Variants in LILRA5 observed in about 807,000 individuals in gnomAD.
LILRA5 encodes the protein leukocyte immunoglobulin like receptor A5.
A neutral mutation model predicts 36.3 loss-of-function variants in LILRA5; 31 were observed. The ratio of observed to expected loss-of-function variants is 0.85; its 90% confidence interval spans 0.64 to 1.15. LILRA5 has a LOEUF of 1.15. LILRA5 is among the 50% of genes most tolerant of loss of function. The probability of loss-of-function intolerance (pLI) is 0.00; values close to 1 mark genes in which losing one functional copy is unlikely to be tolerated. For synonymous variants in LILRA5, 144 were observed against 144.8 expected, an observed-to-expected ratio of 0.99 and a Z score of 0.04; for missense variants, 348 against 377.4, an observed-to-expected ratio of 0.92 and a Z score of 0.64.
In LILRA5 at chr19:54,312,131, T is replaced by G; in HGVS notation, c.142A>C (p.Thr48Pro). ...HVQAGNLSKA[T>P]LWAEPGSVIS... ...ACAGAGCCTGGCTCAGCCCAGAGGG[T>G]GGCTTTGGAGAGGTTCCCTGGAAGG... The change falls in exon 4 of 7, where the codon ACC becomes CCC. Residue 48 changes from threonine (T) to proline (P), a missense_variant. Coordinates refer to ENST00000432233, the MANE Select transcript of LILRA5 (RefSeq NM_021250.4). The G allele has an allele frequency of 6.2e-7, 1 of 1,613,794 alleles. No individual in the cohort carries two copies. The highest frequency in any genetic ancestry group is 8.5e-7 in the Non-Finnish European group (1 of 1,179,910).
intron 5 of LILRA5, chr19:54,308,542 C>T (rs2080945742): frequency 6.6e-6 from 1 of 151,026 alleles, no homozygotes; most frequent in Non-Finnish European, 1.5e-5. Context: ...GCCTGGCCAA[C>T]ATGGTGAAAC....
intron 5 of LILRA5, chr19:54,310,184 T>C (rs752072717): frequency 4.8e-5 from 8 of 167,102 alleles, no homozygotes; most frequent in Non-Finnish European, 9.2e-5. Flanking sequence ...AGCGTCCGTC[T>C]GTCCTCTCTC....
At position 54,311,871 on chromosome 19, in the gene LILRA5, C is replaced by G. The variant is rs1213529684; in HGVS notation, c.402G>C (p.Val134=). 6.2e-7 allele frequency: 1 copy of G among 1,614,062 alleles called. No individual in the cohort carries two copies. The highest frequency in any genetic ancestry group is 1.3e-5 in the African/African-American group (1 of 74,932). ...CCCAGAGTGTCCTCTCACCTGTCAC[C>G]ACCAGCTCCAGGGGGTCGCTGGGCT... ...WSEPSDPLEL[V]VTGFYNKPTL... The change falls in exon 4 of 7, where the codon GTG becomes GTC. Residue 134 remains valine, a synonymous_variant. Coordinates refer to ENST00000432233, the MANE Select transcript of LILRA5 (RefSeq NM_021250.4).
intron 6 of LILRA5, 32 bp from the exon 7 acceptor site, chr19:54,307,581 T>A: frequency 6.2e-7 from 1 of 1,613,614 alleles, no homozygotes; most frequent in Non-Finnish European, 8.5e-7. Context: ...GTCACAGAGG[T>A]CAGGGCAGAT....
intron 5 of LILRA5, chr19:54,308,348 T>TATATAA (rs1569138873): frequency 1.9e-4 from 2 of 10,682 alleles, no homozygotes; most frequent in South Asian, 6.7e-3. Flanking sequence ...TATATATGTA[T>TATATAA]ATATAAATAT....
intron 1 of LILRA5, 61 bp downstream of exon 1, chr19:54,312,956 C>T: frequency 1.2e-6 from 2 of 1,611,634 alleles, no homozygotes; most frequent in Admixed American, 1.7e-5. Context: ...TCAGAGCCTC[C>T]CCATGGGGTC....
chr19:54,312,736 G>T, intron 1 of LILRA5, 115 bp from the exon 2 acceptor site: 1 of 1,069,384 alleles, frequency 9.4e-7, no homozygotes, highest in African/African-American at 1.6e-5. Context: ...CCAGGAGCCT[G>T]GCTCTCATTT....
chr19:54,311,337 G>A (rs2081007337), intron 5 of LILRA5, 77 bp downstream of exon 5: 10 of 1,613,332 alleles, frequency 6.2e-6, no homozygotes, highest in Non-Finnish European at 3.4e-6. Context: ...CTTAGCAGGG[G>A]CTGCCCTGCC....
chr19:54,311,971 A>T lies in LILRA5; in HGVS notation c.302T>A (p.Phe101Tyr). 6.2e-7 allele frequency: 1 copy of T among 1,614,070 alleles called. No individual in the cohort carries two copies. The highest frequency in any genetic ancestry group is 8.5e-7 in the Non-Finnish European group (1 of 1,179,986). The stretch of plus-strand genomic sequence containing the variant: ...GTGCTCTGTCATGGATGGGATGGAG[A>T]ATCTGGCCTTGTTCTTGGGCTCCAG... Reference protein sequence around the residue: ...NPLEPKNKARFSIPSMTEHHA... With the variant: ...NPLEPKNKARYSIPSMTEHHA... Residue 101 changes from phenylalanine (F) to tyrosine (Y), a missense_variant, in exon 4 of 7, where the codon TTC becomes TAC. Physicochemically the swap from Phe to Tyr is conservative, Grantham distance 22. Coordinates refer to ENST00000432233, the MANE Select transcript of LILRA5 (RefSeq NM_021250.4).
Position 54,312,627 on chromosome 19 carries a change from A to G in LILRA5, c.4-6T>C. The G allele has an allele frequency of 1.2e-6, 2 of 1,613,990 alleles. No homozygotes were observed. The highest frequency in any genetic ancestry group is 1.7e-6 in the Non-Finnish European group (2 of 1,179,854). ...GATGGATGAGACCATGGTGCCTGGC[A>G]GGACAGAGAGACACACAGGGTGTGG... is the stretch of plus-strand genomic sequence containing the variant. On this transcript the variant is annotated splice_region_variant and splice_polypyrimidine_tract_variant and intron_variant, in intron 1 of 6. Coordinates refer to ENST00000432233, the MANE Select transcript of LILRA5 (RefSeq NM_021250.4).
At chr19:54,311,750 C>T in intron 4 of LILRA5, 34 bp from the exon 5 acceptor site, 1 of 1,609,784 alleles carries the variant, frequency 6.2e-7, no homozygotes, top group Non-Finnish European at 8.5e-7. Context: ...TTAAATGGGG[C>T]TCCCACCTCC....
Position 54,307,313 on chromosome 19 carries a change from C to T in LILRA5, c.*100G>A. 1.7e-6 allele frequency: 2 copies of T among 1,145,682 alleles called. No individual in the cohort carries two copies. Among genetic ancestry groups the T allele is most frequent in the Non-Finnish European group, 2.4e-6 (2 of 833,232 alleles). The allele number at this position is 1,145,682 out of a possible 1,614,324, so 71.0% of individuals were successfully genotyped here. A position where few individuals can be genotyped will look rare whatever the true frequency, so the allele number is the denominator to read the frequency against. On this transcript the variant is annotated 3_prime_UTR_variant, in exon 7 of 7. Coordinates refer to ENST00000432233, the MANE Select transcript of LILRA5 (RefSeq NM_021250.4). The stretch of plus-strand genomic sequence containing the variant: ...AAAAAGAAATTGCCAGCAGACAGTC[C>T]AGATGGCATAGGCCTCAGATGGTCT...
At position 54,307,309 on chromosome 19, in the gene LILRA5, A is replaced by C. The variant is rs539568027; in HGVS notation, c.*104T>G. 43 of 988,090 alleles carry C rather than the reference A, an allele frequency of 4.4e-5. No individual in the cohort carries two copies. The highest frequency in any genetic ancestry group is 2.4e-4 in the South Asian group (8 of 32,892). 61.2% of individuals were successfully genotyped at this position (988,090 alleles called of 1,614,324 possible). On this transcript the variant is annotated 3_prime_UTR_variant, in exon 7 of 7. Transcript: ENST00000432233. Reference sequence around the variant, plus strand: ...AGAAAAAAAGAAATTGCCAGCAGACAGTCCAGATGGCATAGGCCTCAGATG... The same window carrying C: ...AGAAAAAAAGAAATTGCCAGCAGACCGTCCAGATGGCATAGGCCTCAGATG...
chr19:54,310,805 T>G, intron 5 of LILRA5: 1 of 259,488 alleles, frequency 3.9e-6, no homozygotes, highest in Non-Finnish European at 8.1e-6. Flanking sequence ...TACTGGAGGG[T>G]CAGGTTCTCT....
chr19:54,309,409 G>T (rs887040338), intron 5 of LILRA5: 1 of 152,204 alleles, frequency 6.6e-6, no homozygotes, highest in East Asian at 1.9e-4. Flanking sequence ...AGCTTGCAGT[G>T]AGCCGAGATC....
At chr19:54,312,435 A>T in intron 2 of LILRA5, 65 bp from the exon 3 acceptor site, 1 of 1,614,086 alleles carries the variant, frequency 6.2e-7, no homozygotes, top group Middle Eastern at 1.6e-4. Flanking sequence ...CCTGCCTGGG[A>T]ACCTCCTAAA....
intron 5 of LILRA5, chr19:54,309,535 T>C (rs1239462861): frequency 6.9e-6 from 1 of 145,522 alleles, no homozygotes; most frequent in East Asian, 2.0e-4. Context: ...AATAAAGTAG[T>C]TGAAGAATTT....
In LILRA5 at chr19:54,313,150, G is replaced by T; in HGVS notation, c.-131C>A. On this transcript the variant is annotated 5_prime_UTR_variant, in exon 1 of 7. Coordinates refer to ENST00000432233, the MANE Select transcript of LILRA5 (RefSeq NM_021250.4). ...CAGGCTGAGCTGCATGTGGCAATGA[G>T]CACAGAGGAGAAATGCAGGGAAATA... 1 of 926,010 alleles carries T rather than the reference G, an allele frequency of 1.1e-6. No individual in the cohort carries two copies. The highest frequency in any genetic ancestry group is 1.7e-6 in the Non-Finnish European group (1 of 578,238). 57.4% of individuals were successfully genotyped at this position (926,010 alleles called of 1,614,324 possible).
chr19:54,311,191 G>T (rs1462325726), intron 5 of LILRA5: 33 of 1,277,724 alleles, frequency 2.6e-5, no homozygotes, highest in Non-Finnish European at 3.4e-5. Flanking sequence ...CCTGACATCA[G>T]GTGATCCACC....
Sources: gnomAD v4.1 joint callset for allele counts on GRCh38, gnomAD v4.1.1 for gene constraint, MANE v1.5 for transcripts, NCBI Gene and HGNC (gene_info 2026-07-23, HGNC 2026-07-21) for gene names.